The following ZFR variants were observed in gnomAD, a reference collection of about 807,000 sequenced individuals.
The protein encoded by ZFR is zinc finger RNA binding protein.
A neutral mutation model predicts 130.7 loss-of-function variants in ZFR; 19 were observed. The ratio of observed to expected loss-of-function variants is 0.15; its 90% CI spans 0.10 to 0.21. The LOEUF (loss-of-function observed/expected upper bound fraction) is 0.21. Ranked by LOEUF, ZFR falls within the 10% of genes least tolerant of loss-of-function variation. The pLI, the probability that ZFR is intolerant of heterozygous loss-of-function variation, is 1.00. For missense variants in ZFR, 872 were observed against 1,321.5 expected (o/e 0.66, Z 5.27); for synonymous variants, 466 against 456.9 (o/e 1.02, Z -0.25).
At chr5:32,369,784 C>A (rs1283008641) in intron 17 of ZFR, among the ~76,000 whole-genome samples, 11 of 152,132 alleles carry the variant, frequency 7.2e-5, no homozygotes, top group Non-Finnish European at 1.5e-5. Flanking sequence ...TGCACTCCAG[C>A]CCGAGTGACA....
At chr5:32,429,977 G>C (rs1754165923) in intron 2 of ZFR, among the ~76,000 whole-genome samples, 1 of 149,684 alleles carries the variant, frequency 6.7e-6, no homozygotes, top group Non-Finnish European at 1.5e-5. Context: ...AGGACTGCTT[G>C]AACCCAGGAG....
At chr5:32,370,637 A>G (rs191714655) in intron 17 of ZFR, among the ~76,000 whole-genome samples, 103 of 152,280 alleles carry the variant, frequency 6.8e-4, no homozygotes, top group Non-Finnish European at 1.1e-3. Flanking sequence ...TTGGCTTCCT[A>G]AAGTGCTGGG....
At chr5:32,444,362 G>C (rs1581723949) in intron 1 of ZFR, 34 bp from the exon 2 acceptor site, 1 of 1,530,626 alleles carries the variant, frequency 6.5e-7, no homozygotes, top group Non-Finnish European at 8.8e-7. Flanking sequence ...GTCCCATGGC[G>C]GGACAAGAGA....
intron 2 of ZFR, among the ~76,000 whole-genome samples, chr5:32,435,498 T>C (rs1464760671): frequency 6.6e-6 from 1 of 152,246 alleles, no homozygotes; most frequent in African/African-American, 2.4e-5. Flanking sequence ...TGATTAAATT[T>C]ACATTTCATA....
rs372726508 is a variant in ZFR, at chr5:32,394,365, T to C, written c.1979+794A>G. ...GAACGATGCCAGACACAAAAGACCA[T>C]AGACTGTAGTAAGTTGATGCAAAAA... On this transcript the variant is annotated intron_variant, in intron 11 of 19. Transcript: ENST00000265069. The C allele has an allele frequency of 1.3e-3, 219 of 169,520 alleles. 1 individual carries two copies. Among genetic ancestry groups the C allele is most frequent in the African/African-American group, 4.8e-3 (199 of 41,630 alleles). The allele number at this position is 169,520 out of a possible 1,614,324, so 10.5% of individuals were successfully genotyped here.
intron 5 of ZFR, among the ~76,000 whole-genome samples, chr5:32,408,313 TAA>T (rs781068231): frequency 1.5e-4 from 11 of 71,242 alleles, no homozygotes; most frequent in Admixed American, 1.7e-4. Context: ...AACGTTTGAT[TAA>T]AAAAAAAAAA....
intron 2 of ZFR, among the ~76,000 whole-genome samples, chr5:32,429,176 C>G (rs1186242976): frequency 6.6e-6 from 1 of 151,878 alleles, no homozygotes; most frequent in Admixed American, 6.6e-5. Context: ...TTAGTAGAGA[C>G]GGGGTTTCAC....
Position 32,394,314 on chromosome 5 carries a change from GGA to G in ZFR, c.1979+843_1979+844del, listed in dbSNP as rs1300534334. On this transcript the variant is annotated intron_variant, in intron 11 of 19. Transcript: ENST00000265069. ...GGAATACTGAAACATGTTACAATCT[GGA>G]TGAACCATGAAAACACGCTAAGTGA... 1.0e-4 allele frequency: 17 copies of G among 168,374 alleles called. No homozygotes were observed. In the East Asian group the frequency reaches 3.1e-3, roughly 31 times the overall value. 10.4% of individuals were successfully genotyped at this position (168,374 alleles called of 1,614,324 possible).
intron 6 of ZFR, among the ~76,000 whole-genome samples, chr5:32,406,303 G>A (rs1421820626): frequency 6.6e-6 from 1 of 152,092 alleles, no homozygotes; most frequent in Non-Finnish European, 1.5e-5. Flanking sequence ...TGAGATTACA[G>A]AAATAACTAA....
chr5:32,430,011 C>G (rs1238946440), intron 2 of ZFR, among the ~76,000 whole-genome samples: 1 of 146,336 alleles, frequency 6.8e-6, no homozygotes, highest in African/African-American at 2.5e-5. Context: ...TGAGCTACAA[C>G]TGCACCACCG....
chr5:32,388,942 C>T (rs1753100328), intron 12 of ZFR, among the ~76,000 whole-genome samples: 1 of 152,148 alleles, frequency 6.6e-6, no homozygotes, highest in Non-Finnish European at 1.5e-5. Context: ...TATGAAAATG[C>T]TCTTTACTCA....
intron 2 of ZFR, among the ~76,000 whole-genome samples, chr5:32,429,348 G>C (rs921304173): frequency 3.9e-5 from 6 of 152,024 alleles, no homozygotes; most frequent in African/African-American, 1.2e-4. Flanking sequence ...TCTTGCTCTG[G>C]GTAAAGAAGA....
intron 15 of ZFR, 134 bp from the exon 16 acceptor site, chr5:32,380,306 G>C: frequency 1.8e-6 from 1 of 543,262 alleles, no homozygotes; most frequent in Non-Finnish European, 3.4e-6. Context: ...TATCCACGGA[G>C]TTATTTTCAA....
In ZFR at chr5:32,363,951, T is replaced by A; in HGVS notation, c.3042A>T (p.Ala1014=). The change falls in exon 19 of 20, where the codon GCA becomes GCT. Residue 1014 remains alanine (A), a synonymous_variant. Coordinates refer to ENST00000265069, the MANE Select transcript of ZFR (RefSeq NM_016107.5). ...CTGAATTTAGGAATACCAGTACCTG[T>A]GCACTGGATGTGATGTCTTCACGCT... ...DQQREDITSS[A]QFALRLLAFR... 1 of 1,612,702 alleles carries A rather than the reference T, an allele frequency of 6.2e-7. No homozygotes were observed. Among genetic ancestry groups the A allele is most frequent in the Non-Finnish European group, 8.5e-7 (1 of 1,178,808 alleles).
chr5:32,413,904 T>C (rs1203390951), intron 5 of ZFR, among the ~76,000 whole-genome samples: 1 of 152,204 alleles, frequency 6.6e-6, no homozygotes, highest in Non-Finnish European at 1.5e-5. Flanking sequence ...CCATCATTCA[T>C]ACTGGTGAAT....
At chr5:32,367,119 A>G (rs574195325) in intron 17 of ZFR, among the ~76,000 whole-genome samples, 26 of 152,046 alleles carry the variant, frequency 1.7e-4, no homozygotes, top group African/African-American at 6.3e-4. Context: ...CCTAGACTGG[A>G]AAGCAGTGGT....
In ZFR at chr5:32,400,044, C is replaced by T. The variant is rs886823805; in HGVS notation, c.1676G>A (p.Ser559Asn). The T allele has an allele frequency of 3.1e-6, 5 of 1,611,868 alleles. No homozygotes were observed. The highest frequency in any genetic ancestry group is 4.2e-6 in the Non-Finnish European group (5 of 1,178,956). ...VTPASLAALQSDVQPVGHDYV... is the reference protein window; with the variant it reads ...VTPASLAALQNDVQPVGHDYV... ...ATCATGGCCCACTGGCTGCACATCA[C>T]TCTGTAAAGCAGCAAGAGATGCAGG... Residue 559 changes from serine (S) to asparagine (N), a missense_variant, in exon 9 of 20, where the codon AGT (serine) becomes AAT (asparagine). Physicochemically the swap from Ser to Asn is conservative, Grantham distance 46. Transcript: ENST00000265069.
rs765549716 is a variant in ZFR at position 32,403,174 on chromosome 5, G to A, written c.1448C>T (p.Thr483Ile). The A allele has an allele frequency of 2.5e-6, 4 of 1,614,218 alleles. No individual in the cohort carries two copies. The highest frequency in any genetic ancestry group is 2.2e-5 in the South Asian group (2 of 91,090). The change falls in exon 8 of 20, where the codon ACT (threonine) becomes ATT (isoleucine). Residue 483 changes from threonine (T) to isoleucine (I), a missense_variant. Thr to Ile is a moderately conservative substitution (Grantham distance 89). This residue lies in a region of ZFR where 143 missense variants were observed against 137.9 expected (regional missense o/e 1.04). Coordinates refer to ENST00000265069, the MANE Select transcript of ZFR (RefSeq NM_016107.5). ...ATTTGTAGGCACTGCTGATACTTTAGTGTTAGATGTGCTATTAAGAGACGA... is the reference window on the plus strand; with the variant it reads ...ATTTGTAGGCACTGCTGATACTTTAATGTTAGATGTGCTATTAAGAGACGA... The part of the protein sequence containing the change: ...GNSSLNSTSN[T>I]KVSAVPTNMA...
intron 5 of ZFR, among the ~76,000 whole-genome samples, chr5:32,414,544 C>T (rs1402145150): frequency 6.6e-6 from 1 of 152,186 alleles, no homozygotes; most frequent in Non-Finnish European, 1.5e-5. Flanking sequence ...CCCAACATTT[C>T]CATGATGAAC....
Sources: gnomAD v4.1 joint callset for allele counts (sites outside exome capture counted in the v4.1 genomes callset) on GRCh38, gnomAD v4.1.1 for gene constraint, gnomAD v4.1.1 regional missense constraint, MANE v1.5 for transcripts, NCBI Gene and HGNC (gene_info 2026-07-23, HGNC 2026-07-21) for gene names.